SLC13A1: variants seen among roughly 807,000 people sequenced by gnomAD.
The protein encoded by SLC13A1 is Na(+)/sulfate cotransporter.
In SLC13A1, 65 loss-of-function variants were observed where a neutral mutation model predicts 70.0. The ratio of observed to expected loss-of-function variants is 0.93; its 90% confidence interval spans 0.76 to 1.14. The LOEUF is 1.14. Ranked by LOEUF, SLC13A1 falls within the 50% of genes most tolerant of loss-of-function variation. The pLI is 0.00. For synonymous variants in SLC13A1, 275 were observed against 250.5 expected (o/e 1.10, Z -0.92); for missense variants, 726 against 717.8 (o/e 1.01, Z -0.13).
intron 7 of SLC13A1, among the ~76,000 whole-genome samples, chr7:123,140,844 A>C (rs1794111013): frequency 6.6e-6 from 1 of 151,968 alleles, no homozygotes; most frequent in Non-Finnish European, 1.5e-5. Context: ...AAGATTTGCC[A>C]ATTTTGTTTA....
chr7:123,171,859 C>T lies in SLC13A1; in HGVS notation c.274G>A (p.Val92Ile), dbSNP rs1023723947. 1 of 1,612,726 alleles carries T rather than the reference C, an allele frequency of 6.2e-7. No individual in the cohort carries two copies. The highest frequency in any genetic ancestry group is 8.5e-7 in the Non-Finnish European group (1 of 1,178,904). The change falls in exon 3 of 15, where the codon GTT becomes ATT. Residue 92 changes from valine (V) to isoleucine (I), a missense_variant. Coordinates refer to ENST00000194130, the MANE Select transcript of SLC13A1 (RefSeq NM_022444.4). ...FKDFHLLLIGVICLATSIEKW... is the reference protein window; with the variant it reads ...FKDFHLLLIGIICLATSIEKW... ...TCTATGGATGTTGCTAAACAGATAACTCCAATTAGCAGTAAGTGAAAATCC... is the reference window on the plus strand; with the variant it reads ...TCTATGGATGTTGCTAAACAGATAATTCCAATTAGCAGTAAGTGAAAATCC...
At chr7:123,171,643 A>G (rs1795275520) in intron 3 of SLC13A1, 125 bp downstream of exon 3, 3 of 1,008,944 alleles carry the variant, frequency 3.0e-6, no homozygotes, top group East Asian at 2.4e-5. Context: ...GCAGAGGAAA[A>G]AACGTCATAA....
At chr7:123,146,129 A>T (rs10255941) in intron 7 of SLC13A1, among the ~76,000 whole-genome samples, 34,732 of 152,142 alleles carry the variant, frequency 0.23, 4,700 homozygotes, top group East Asian at 0.35. Context: ...ATATTTTTAC[A>T]TAGTTTACTT....
intron 7 of SLC13A1, among the ~76,000 whole-genome samples, chr7:123,141,019 C>A (rs1032714787): frequency 6.6e-6 from 1 of 150,456 alleles, no homozygotes; most frequent in Non-Finnish European, 1.5e-5. Context: ...TGAAGTTTTT[C>A]TTTTTTTTTC....
At position 123,171,953 on chromosome 7, in the gene SLC13A1, A is replaced by T. The variant is rs369504426; in HGVS notation, c.229-49T>A. On this transcript the variant is annotated intron_variant, in intron 2 of 14. Coordinates refer to ENST00000194130, the MANE Select transcript of SLC13A1 (RefSeq NM_022444.4). ...ATTATTTACTTTGGTGGGGAAAAAT[A>T]ACATTGCACAAGAAAGACATTATTA... 1.0e-5 allele frequency: 16 copies of T among 1,558,686 alleles called. No homozygotes were observed. In the African/African-American group the frequency reaches 2.2e-4, roughly 21 times the overall value.
intron 1 of SLC13A1, among the ~76,000 whole-genome samples, chr7:123,182,484 C>T (rs549341377): frequency 6.6e-6 from 1 of 152,114 alleles, no homozygotes; most frequent in Non-Finnish European, 1.5e-5. Context: ...CCACTTCCTC[C>T]ACTGCAGGCA....
chr7:123,149,726 C>A, intron 6 of SLC13A1: 1 of 416,572 alleles, frequency 2.4e-6, no homozygotes. Flanking sequence ...GAAATTGGCA[C>A]AGTTATCACA....
rs374591036 is a variant in SLC13A1, at chr7:123,176,312, AG to A, written c.229-4409del. Among the ~76,000 whole-genome samples, 1,270 of 152,332 alleles carry A rather than the reference AG, an allele frequency of 8.3e-3. 18 individuals are homozygous for A. Among genetic ancestry groups the A allele is most frequent in the African/African-American group, 0.028 (1,180 of 41,578 alleles). ...GTGTTTGTTTATGGCCTACTTGTCC[AG>A]GGAGGTAATAGAAGAAGGTGCTGTT... On this transcript the variant is annotated intron_variant, in intron 2 of 14. Coordinates refer to ENST00000194130, the MANE Select transcript of SLC13A1 (RefSeq NM_022444.4).
chr7:123,170,836 C>G (rs1795246025), intron 3 of SLC13A1, among the ~76,000 whole-genome samples: 1 of 151,994 alleles, frequency 6.6e-6, no homozygotes, highest in South Asian at 2.1e-4. Flanking sequence ...ACCTTGGCCT[C>G]CTAAAGTGCT....
At chr7:123,177,464 C>T (rs1795484591) in intron 2 of SLC13A1, among the ~76,000 whole-genome samples, 1 of 152,056 alleles carries the variant, frequency 6.6e-6, no homozygotes, top group Non-Finnish European at 1.5e-5. Context: ...GTGCTCAAAA[C>T]TCTTCAAAAG....
intron 6 of SLC13A1, among the ~76,000 whole-genome samples, chr7:123,149,079 C>G (rs752368299): frequency 2.8e-4 from 43 of 152,228 alleles, no homozygotes; most frequent in Non-Finnish European, 4.9e-4. Flanking sequence ...GTAGGTAACA[C>G]ACATCTTCTG....
At chr7:123,182,638 A>G (rs1239388706) in intron 1 of SLC13A1, among the ~76,000 whole-genome samples, 1 of 152,112 alleles carries the variant, frequency 6.6e-6, no homozygotes, top group Non-Finnish European at 1.5e-5. Flanking sequence ...CAAAAAATAA[A>G]TAGAATACAT....
intron 7 of SLC13A1, among the ~76,000 whole-genome samples, chr7:123,134,945 T>C (rs568010490): frequency 6.6e-6 from 1 of 152,194 alleles, no homozygotes; most frequent in East Asian, 1.9e-4. Flanking sequence ...CAGGTGAAAA[T>C]TAGTGGGACT....
At chr7:123,146,916 A>G (rs1794373532) in intron 7 of SLC13A1, among the ~76,000 whole-genome samples, 1 of 152,200 alleles carries the variant, frequency 6.6e-6, no homozygotes, top group Non-Finnish European at 1.5e-5. Context: ...AAGGGTGGTC[A>G]GCCAAGAGTT....
At chr7:123,132,243 A>T (rs1793788867) in intron 8 of SLC13A1, among the ~76,000 whole-genome samples, 1 of 152,170 alleles carries the variant, frequency 6.6e-6, no homozygotes, top group Non-Finnish European at 1.5e-5. Context: ...CACTACTAAT[A>T]AAACCATGGC....
rs772437146 is a variant in SLC13A1, at chr7:123,168,501, T to A, written c.611+3A>T. 6.8e-6 allele frequency: 11 copies of A among 1,609,204 alleles called. No individual in the cohort carries two copies. Among genetic ancestry groups the A allele is most frequent in the Non-Finnish European group, 8.5e-6 (10 of 1,176,654 alleles). ...TCCCAATCAAAATGTCAGTATTCCT[T>A]ACCCTGGAACTGGTTTTGTTTTCTC... is the stretch of plus-strand genomic sequence containing the variant. On this transcript the variant is annotated splice_donor_region_variant and intron_variant, in intron 5 of 14. Coordinates refer to ENST00000194130, the MANE Select transcript of SLC13A1 (RefSeq NM_022444.4).
intron 14 of SLC13A1, among the ~76,000 whole-genome samples, chr7:123,116,202 A>T (rs1174308965): frequency 2.0e-5 from 3 of 152,152 alleles, no homozygotes; most frequent in African/African-American, 4.8e-5. Flanking sequence ...CTTTCTTAGC[A>T]TTCTCATGGT....
intron 12 of SLC13A1, among the ~76,000 whole-genome samples, chr7:123,121,990 A>G (rs17145353): frequency 0.011 from 1,744 of 152,160 alleles, 33 homozygotes; most frequent in African/African-American, 0.04. Context: ...TGAGATTTTT[A>G]TAGCAAACTA....
intron 7 of SLC13A1, among the ~76,000 whole-genome samples, chr7:123,141,873 T>C (rs1794162741): frequency 1.3e-5 from 2 of 152,262 alleles, no homozygotes; most frequent in Non-Finnish European, 2.9e-5. Flanking sequence ...TTGTTTTTTA[T>C]CCATGTAACC....
Sources: gnomAD v4.1 joint callset for allele counts (sites outside exome capture counted in the v4.1 genomes callset) on GRCh38, gnomAD v4.1.1 for gene constraint, MANE v1.5 for transcripts, NCBI Gene and HGNC (gene_info 2026-07-23, HGNC 2026-07-21) for gene names.